The following TBC1D12 variants were observed in gnomAD, a reference collection of about 807,000 sequenced individuals.
The protein encoded by TBC1D12 is TBC1 domain family member 12.
In TBC1D12, 56 loss-of-function variants were observed where a neutral mutation model predicts 86.7. That is an observed-to-expected ratio of 0.65 (90% CI 0.52 to 0.81). The LOEUF is 0.81. Ranked by LOEUF, TBC1D12 falls within the 30% of genes least tolerant of loss-of-function variation. The pLI is 0.00. For missense variants in TBC1D12, 1,023 were observed against 1,038.8 expected, an observed-to-expected ratio of 0.98 and a Z score of 0.21; for synonymous variants, 421 against 411.7, an observed-to-expected ratio of 1.02 and a Z score of -0.27.
intron 1 of TBC1D12, among the ~76,000 whole-genome samples, chr10:94,425,548 A>G (rs1010031782): frequency 2.0e-5 from 3 of 152,166 alleles, no homozygotes; most frequent in African/African-American, 7.2e-5. Context: ...ATAAATTTGG[A>G]GCTCACACTG....
At chr10:94,444,142 C>T (rs1256919294) in intron 2 of TBC1D12, among the ~76,000 whole-genome samples, 3 of 149,552 alleles carry the variant, frequency 2.0e-5, no homozygotes, top group Admixed American at 6.7e-5. Context: ...TGCACTTCAG[C>T]CTGGGTGACA....
chr10:94,423,010 G>T (rs1340105675), intron 1 of TBC1D12, among the ~76,000 whole-genome samples: 1 of 152,194 alleles, frequency 6.6e-6, no homozygotes, highest in Non-Finnish European at 1.5e-5. Flanking sequence ...TGAGGCAGGA[G>T]GATCATTTGA....
At chr10:94,408,615 A>G (rs1282994034) in intron 1 of TBC1D12, among the ~76,000 whole-genome samples, 3 of 152,082 alleles carry the variant, frequency 2.0e-5, no homozygotes, top group African/African-American at 7.2e-5. Context: ...TCCACCTAGA[A>G]TTTGTGCTAG....
chr10:94,416,293 GT>G (rs994276748), intron 1 of TBC1D12, among the ~76,000 whole-genome samples: 26 of 152,202 alleles, frequency 1.7e-4, no homozygotes, highest in Non-Finnish European at 3.5e-4. Context: ...TTCTCAGAAG[GT>G]TTAGACATCT....
chr10:94,458,087 A>G (rs1249046466), intron 2 of TBC1D12, among the ~76,000 whole-genome samples: 3 of 152,050 alleles, frequency 2.0e-5, no homozygotes, highest in Non-Finnish European at 4.4e-5. Context: ...TCCCCTCTAA[A>G]ATTTATGGTG....
chr10:94,442,626 A>T (rs2055398145), intron 2 of TBC1D12, among the ~76,000 whole-genome samples: 1 of 152,198 alleles, frequency 6.6e-6, no homozygotes, highest in Non-Finnish European at 1.5e-5. Flanking sequence ...TTGGCTCTTC[A>T]GTACTAGATA....
chr10:94,412,435 G>C (rs185741284), intron 1 of TBC1D12, among the ~76,000 whole-genome samples: 132 of 152,256 alleles, frequency 8.7e-4, no homozygotes, highest in African/African-American at 2.9e-3. Flanking sequence ...ACATGGGATT[G>C]GATGGATGTT....
chr10:94,441,955 G>A lies in TBC1D12; in HGVS notation c.1031G>A (p.Trp344Ter). 1 of 1,613,192 alleles carries A rather than the reference G, an allele frequency of 6.2e-7. No homozygotes were observed. The highest frequency in any genetic ancestry group is 8.5e-7 in the Non-Finnish European group (1 of 1,179,614). The change falls in exon 2 of 13, where the codon TGG becomes TAG. Residue 344 changes from tryptophan to a stop codon, truncating the protein, a stop_gained. Transcript: ENST00000225235. LOFTEE classifies it high-confidence loss of function. Reference sequence around the variant, plus strand: ...TCAGTTGTCCATAGTGCTCCTGGTTGGAAATTATTTGGTAAAGTCCCTCCT... The same window carrying A: ...TCAGTTGTCCATAGTGCTCCTGGTTAGAAATTATTTGGTAAAGTCCCTCCT... ...LKSVVHSAPG[W>*]KLFGKVPPRE...
At chr10:94,421,684 CTTG>C (rs2055075981) in intron 1 of TBC1D12, among the ~76,000 whole-genome samples, 1 of 151,960 alleles carries the variant, frequency 6.6e-6, no homozygotes. Flanking sequence ...TCTCTATGTT[CTTG>C]TTATTTTCTT....
Position 94,507,295 on chromosome 10 carries a change from A to T in TBC1D12, c.1548A>T (p.Ala516=), listed in dbSNP as rs192035338. Residue 516 remains alanine, a synonymous_variant, in exon 7 of 13, where the codon GCA becomes GCT. Coordinates refer to ENST00000225235, the MANE Select transcript of TBC1D12 (RefSeq NM_015188.2). ...PELYEIFLSR[A]KERWKSFSET... ...TTTATGAAATCTTCCTCTCAAGAGCAAAAGAACGGTGGAAAAGTTTCAGTG... is the reference window on the plus strand; with the variant it reads ...TTTATGAAATCTTCCTCTCAAGAGCTAAAGAACGGTGGAAAAGTTTCAGTG... 1.2e-4 allele frequency: 197 copies of T among 1,610,962 alleles called. No individual in the cohort carries two copies. In the Admixed American group the frequency reaches 1.5e-3, roughly 12 times the overall value.
At position 94,497,141 on chromosome 10, in the gene TBC1D12, A is replaced by G; in HGVS notation, c.1381A>G (p.Ile461Val). 6.4e-7 allele frequency: 1 copy of G among 1,560,026 alleles called. No individual in the cohort carries two copies. The highest frequency in any genetic ancestry group is 1.2e-5 in the South Asian group (1 of 82,310). The change falls in exon 5 of 13, where the codon ATC (isoleucine) becomes GTC (valine). Residue 461 changes from isoleucine to valine, a missense_variant. Physicochemically the swap from Ile to Val is conservative, Grantham distance 29. Coordinates refer to ENST00000225235, the MANE Select transcript of TBC1D12 (RefSeq NM_015188.2). ...TATTGCAAGTGCAATGGTAATTTGG[A>G]TCAATGAAATACTGCCCAATTGGGA... Reference protein sequence around the residue: ...ENIASAMVIWINEILPNWEVM... With the variant: ...ENIASAMVIWVNEILPNWEVM...
intron 1 of TBC1D12, among the ~76,000 whole-genome samples, chr10:94,427,833 C>CAAA (rs71031576): frequency 0.019 from 1,227 of 65,688 alleles, 1 homozygote; most frequent in Middle Eastern, 0.042. Context: ...CCCTGTCTCA[C>CAAA]AAAAAAAAAA....
chr10:94,455,417 A>C (rs182598731), intron 2 of TBC1D12, among the ~76,000 whole-genome samples: 25 of 152,260 alleles, frequency 1.6e-4, no homozygotes, highest in Non-Finnish European at 2.9e-4. Context: ...TGAGTGAGGA[A>C]GTATTTCCTC....
intron 1 of TBC1D12, among the ~76,000 whole-genome samples, chr10:94,404,280 CT>C (rs952277523): frequency 6.6e-6 from 1 of 152,118 alleles, no homozygotes; most frequent in Non-Finnish European, 1.5e-5. Flanking sequence ...TAAGCCTCTC[CT>C]TTTTTTCCCC....
chr10:94,482,614 C>A (rs2056093873), intron 3 of TBC1D12, among the ~76,000 whole-genome samples: 1 of 151,956 alleles, frequency 6.6e-6, no homozygotes, highest in African/African-American at 2.4e-5. Flanking sequence ...CCATGTCTGG[C>A]TGATTTTGTA....
chr10:94,422,185 GTTT>G (rs57798611), intron 1 of TBC1D12, among the ~76,000 whole-genome samples: 3 of 106,816 alleles, frequency 2.8e-5, no homozygotes, highest in Non-Finnish European at 1.9e-5. Flanking sequence ...GGTTCATGTA[GTTT>G]TTTTTTTTTT....
intron 4 of TBC1D12, among the ~76,000 whole-genome samples, chr10:94,496,152 C>G (rs1428043478): frequency 6.6e-6 from 1 of 151,738 alleles, no homozygotes; most frequent in East Asian, 1.9e-4. Context: ...TTCTGCTTGC[C>G]CCTCAAGATG....
At chr10:94,486,609 T>G (rs2056166210) in intron 3 of TBC1D12, among the ~76,000 whole-genome samples, 1 of 152,212 alleles carries the variant, frequency 6.6e-6, no homozygotes, top group African/African-American at 2.4e-5. Context: ...TTGTATAGTT[T>G]ACAAAATTCC....
intron 1 of TBC1D12, 54 bp downstream of exon 1, chr10:94,403,638 C>G: frequency 7.1e-7 from 1 of 1,401,708 alleles, no homozygotes; most frequent in Non-Finnish European, 9.2e-7. Context: ...GGGCCGGAGC[C>G]GGGGTCTTGG....
Sources: gnomAD v4.1 joint callset for allele counts (sites outside exome capture counted in the v4.1 genomes callset) on GRCh38, gnomAD v4.1.1 for gene constraint, MANE v1.5 for transcripts, NCBI Gene and HGNC (gene_info 2026-07-23, HGNC 2026-07-21) for gene names.